The following MUC4 variants were observed in gnomAD, a reference collection of about 807,000 sequenced individuals.
MUC4 encodes mucin 4, cell surface associated.
A neutral mutation model predicts 257.9 loss-of-function variants in MUC4; 202 were observed. That is an observed-to-expected ratio of 0.78 (90% CI 0.70 to 0.88). The LOEUF is 0.88. MUC4 is among the 40% of genes least tolerant of loss of function. The probability of loss-of-function intolerance (pLI) is 0.00; values close to 1 mark genes in which losing one functional copy is unlikely to be tolerated. For missense variants in MUC4, 5,976 were observed against 6,513.7 expected (o/e 0.92, Z 2.84); for synonymous variants, 2,351 against 2,757.1 (o/e 0.85, Z 4.62).
chr3:195,787,173 C>T lies in MUC4; in HGVS notation c.4407G>A (p.Gln1469=). ...TGTCGGTGACAAGAAGAGAGGTGGCCTGACCTGTGGATGCTGAGGAAGTGT... is the reference window on the plus strand; with the variant it reads ...TGTCGGTGACAAGAAGAGAGGTGGCTTGACCTGTGGATGCTGAGGAAGTGT... ...VTDTSSASTG[Q]ATSLLVTDTS... is the part of the protein sequence containing the mutation. The change falls in exon 2 of 25, where the codon CAG becomes CAA. Residue 1469 remains glutamine, a synonymous_variant. Transcript: ENST00000463781. 2 of 509,116 alleles carry T rather than the reference C, an allele frequency of 3.9e-6. No homozygotes were observed. The highest frequency in any genetic ancestry group is 5.3e-6 in the Non-Finnish European group (2 of 378,914). The allele number at this position is 509,116 out of a possible 1,614,324, so 31.5% of individuals were successfully genotyped here.
chr3:195,779,942 A>G lies in MUC4; in HGVS notation c.11638T>C (p.Ser3880Pro). ...GGGGTGGTGTCACCTGTGGAAGCTGAGGAAAGGCCGGTAACAGGAAGAGGG... is the reference window on the plus strand; with the variant it reads ...GGGGTGGTGTCACCTGTGGAAGCTGGGGAAAGGCCGGTAACAGGAAGAGGG... ...ATPLPVTGLS[S>P]ASTGDTTPLP... The change falls in exon 2 of 25, where the codon TCA becomes CCA. Residue 3880 changes from serine (S) to proline (P), a missense_variant. Ser to Pro is a moderately conservative substitution (Grantham distance 74). Around this residue, in one of 44 missense-constraint regions of MUC4, gnomAD observed 330 missense variants for 262.0 expected, o/e 1.26. Transcript: ENST00000463781. 6.8e-7 allele frequency: 1 copy of G among 1,471,404 alleles called. No individual in the cohort carries two copies. Among genetic ancestry groups the G allele is most frequent in the South Asian group, 1.3e-5 (1 of 78,048 alleles). The allele number at this position is 1,471,404 out of a possible 1,614,324, so 91.1% of individuals were successfully genotyped here.
At chr3:195,753,529 G>T (rs755956015) in intron 19 of MUC4, 21 of 486,866 alleles carry the variant, frequency 4.3e-5, no homozygotes, top group Non-Finnish European at 7.5e-5. Context: ...CTTTCCTCAC[G>T]CCCTCCCCTC....
chr3:195,759,503 C>T (rs1483424960), intron 16 of MUC4, among the ~76,000 whole-genome samples: 2 of 152,150 alleles, frequency 1.3e-5, no homozygotes, highest in Non-Finnish European at 1.5e-5. Flanking sequence ...GAGCTCCTTT[C>T]AGATTCTTTC....
rs768158284 is a variant in MUC4, at chr3:195,774,319, GAGA to G, written c.12944-17_12944-15del. On this transcript the variant is annotated splice_polypyrimidine_tract_variant and intron_variant, in intron 3 of 24. Transcript: ENST00000463781. The stretch of plus-strand genomic sequence containing the variant: ...AGAGGGAAACTCCTGGGCCAGGACA[GAGA>G]AGAGCAGGAAGTCCAAGTGGGCCTG... 43 of 1,511,796 alleles carry G rather than the reference GAGA, an allele frequency of 2.8e-5. No individual in the cohort carries two copies. Among genetic ancestry groups the G allele is most frequent in the Non-Finnish European group, 3.4e-5 (39 of 1,133,878 alleles). 93.6% of individuals were successfully genotyped at this position (1,511,796 alleles called of 1,614,324 possible).
At chr3:195,778,697 A>G (rs1296526267) in intron 2 of MUC4, 93 bp downstream of exon 2, 8 of 1,401,594 alleles carry the variant, frequency 5.7e-6, no homozygotes, top group East Asian at 2.5e-5. Context: ...CCACCAGGTA[A>G]TGCGAATGCA....
At chr3:195,748,141 G>A (rs1416677141) in intron 24 of MUC4, among the ~76,000 whole-genome samples, 2 of 152,404 alleles carry the variant, frequency 1.3e-5, no homozygotes, top group East Asian at 1.9e-4. Context: ...GAGCCCCGGG[G>A]ACTGCTGATG....
Position 195,805,586 on chromosome 3 carries a change from A to G in MUC4, c.82+6150T>C, listed in dbSNP as rs1176691804. 2.0e-5 allele frequency among the ~76,000 whole-genome samples: 3 copies of G among 152,254 alleles called. No individual in the cohort carries two copies. In the East Asian group the frequency reaches 5.8e-4, roughly 30 times the overall value. ...TGTGGTGGTGTGTGCCTGTGATCCC[A>G]GTTGGAATCAAGTGCTTCTCCTGCC... On this transcript the variant is annotated intron_variant, in intron 1 of 24. Transcript: ENST00000463781.
At chr3:195,802,380 T>TAAGCACCCCTGCTCTCAGCCTCCA (rs1735439058) in intron 1 of MUC4, among the ~76,000 whole-genome samples, 1 of 33,946 alleles carries the variant, frequency 2.9e-5, no homozygotes, top group Non-Finnish European at 7.5e-5. Flanking sequence ...TGACTCGGGT[T>TAAGCACCCCTGCTCTCAGCCTCCA]CCGCACCCCT....
Position 195,779,186 on chromosome 3 carries a change from T to G in MUC4, c.12394A>C (p.Thr4132Pro). 1 of 1,394,602 alleles carries G rather than the reference T, an allele frequency of 7.2e-7. No individual in the cohort carries two copies. Among genetic ancestry groups the G allele is most frequent in the Non-Finnish European group, 9.6e-7 (1 of 1,039,510 alleles). The allele number at this position is 1,394,602 out of a possible 1,614,324, so 86.4% of individuals were successfully genotyped here. ...CCTGTGGATACTGAGGAAAGGCTGG[T>G]GACAGGAAGAGGGGTGGCCTGACCT... ...STGQATPLPVTSLSSVSTGDT... is the reference protein window; with the variant it reads ...STGQATPLPVPSLSSVSTGDT... Residue 4132 changes from threonine (T) to proline (P), a missense_variant, in exon 2 of 25, where the codon ACC becomes CCC. This residue lies in a region of MUC4 where 293 missense variants were observed against 294.5 expected (regional missense o/e 1.00). Transcript: ENST00000463781.
At chr3:195,778,531 C>T (rs1725544752) in intron 2 of MUC4, 76 bp from the exon 3 acceptor site, 5 of 1,572,186 alleles carry the variant, frequency 3.2e-6, no homozygotes, top group African/African-American at 1.4e-5. Context: ...TCAAAGAAAT[C>T]AGGAGCTGGA....
intron 7 of MUC4, among the ~76,000 whole-genome samples, chr3:195,767,745 TCGCCACCACCACCATCAC>T (rs1721511511): frequency 7.8e-5 from 1 of 12,754 alleles, no homozygotes; most frequent in Non-Finnish European, 1.4e-4. Context: ...ACCATCACCA[TCGCCACCACCACCATCAC>T]CACCACCACC....
chr3:195,767,666 T>TCAC (rs1560263179), intron 7 of MUC4, among the ~76,000 whole-genome samples: 4 of 18,942 alleles, frequency 2.1e-4, no homozygotes, highest in Non-Finnish European at 2.5e-4. Context: ...ACCACCACCA[T>TCAC]CACCATCACC....
chr3:195,748,075 A>G (rs1715476269), intron 24 of MUC4, among the ~76,000 whole-genome samples: 1 of 150,348 alleles, frequency 6.7e-6, no homozygotes, highest in Admixed American at 6.6e-5. Context: ...CAGCTGGCGG[A>G]GGGCCCGGAG....
At chr3:195,767,585 T>TCACCACCATCGCCACCAC (rs1721173979) in intron 7 of MUC4, among the ~76,000 whole-genome samples, 3 of 58,742 alleles carry the variant, frequency 5.1e-5, no homozygotes, top group African/African-American at 2.8e-4. Context: ...ACCACCACCA[T>TCACCACCATCGCCACCAC]CACCACCACC....
At position 195,757,547 on chromosome 3, in the gene MUC4, C is replaced by T. The variant is rs953684513; in HGVS notation, c.14987-219G>A. Among the ~76,000 whole-genome samples, 10 of 152,132 alleles carry T rather than the reference C, an allele frequency of 6.6e-5. No homozygotes were observed. Among genetic ancestry groups the T allele is most frequent in the African/African-American group, 2.2e-4 (9 of 41,420 alleles). Reference sequence around the variant, plus strand: ...CACCAGTCCAACATACTGATTGTAGCGGGGAACGCCACAGAGGGGAAAGCA... The same window carrying T: ...CACCAGTCCAACATACTGATTGTAGTGGGGAACGCCACAGAGGGGAAAGCA... On this transcript the variant is annotated intron_variant, in intron 17 of 24. Coordinates refer to ENST00000463781, the MANE Select transcript of MUC4 (RefSeq NM_018406.7). The surrounding 1 kb of genome is among the most constrained non-coding windows in gnomAD (Gnocchi z 4.8).
Position 195,778,284 on chromosome 3 carries a change from C to T in MUC4, c.12943+19G>A, listed in dbSNP as rs778694739. 28 of 1,597,756 alleles carry T rather than the reference C, an allele frequency of 1.8e-5. No homozygotes were observed. The highest frequency in any genetic ancestry group is 2.4e-5 in the Non-Finnish European group (28 of 1,172,976). The stretch of plus-strand genomic sequence containing the variant: ...ACATCACCCCTCAAAAGGCACAGGC[C>T]TCACCTGTATGGCCTCACCTCTCTC... On this transcript the variant is annotated intron_variant, in intron 3 of 24. Transcript: ENST00000463781.
In MUC4 at chr3:195,788,646, A is replaced by G; in HGVS notation, c.2934T>C (p.Pro978=). 1.9e-6 allele frequency: 3 copies of G among 1,609,830 alleles called. No individual in the cohort carries two copies. The highest frequency in any genetic ancestry group is 1.1e-5 in the South Asian group (1 of 90,322). ...TALISNATPL[P]VTYASSASTG... is the part of the protein sequence containing the mutation. The stretch of plus-strand genomic sequence containing the variant: ...TGGATGCCGAGGAAGCGTAGGTGAC[A>G]GGAAGAGGGGTGGCGTTGCTGATGA... The change falls in exon 2 of 25, where the codon CCT becomes CCC. Residue 978 remains proline, a synonymous_variant. Transcript: ENST00000463781.
At position 195,787,987 on chromosome 3, in the gene MUC4, G is replaced by C. The variant is rs1202107712; in HGVS notation, c.3593C>G (p.Ala1198Gly). 3 of 1,317,140 alleles carry C rather than the reference G, an allele frequency of 2.3e-6. No individual in the cohort carries two copies. Among genetic ancestry groups the C allele is most frequent in the Non-Finnish European group, 2.0e-6 (2 of 986,200 alleles). 81.6% of individuals were successfully genotyped at this position (1,317,140 alleles called of 1,614,324 possible). Residue 1198 changes from alanine to glycine, a missense_variant, in exon 2 of 25, where the codon GCC (alanine) becomes GGC (glycine). By Grantham distance (60) the Ala-to-Gly change is moderately conservative. Around this residue, in one of 44 missense-constraint regions of MUC4, gnomAD observed 90 missense variants for 106.2 expected, o/e 0.85. Coordinates refer to ENST00000463781, the MANE Select transcript of MUC4 (RefSeq NM_018406.7). Reference sequence around the variant, plus strand: ...AGTGTCGGTGACAAGAAGAGGGGTGGCGTGACCTGTGGATGCTGAGGAAGG... The same window carrying C: ...AGTGTCGGTGACAAGAAGAGGGGTGCCGTGACCTGTGGATGCTGAGGAAGG... The part of the protein sequence containing the change: ...TSPSSASTGH[A>G]TPLLVTDTSS...
chr3:195,787,913 A>C lies in MUC4; in HGVS notation c.3667T>G (p.Ser1223Ala). 1 of 881,966 alleles carries C rather than the reference A, an allele frequency of 1.1e-6. No individual in the cohort carries two copies. 54.6% of individuals were successfully genotyped at this position (881,966 alleles called of 1,614,324 possible). A position where few individuals can be genotyped will look rare whatever the true frequency, so the allele number is the denominator to read the frequency against. The change falls in exon 2 of 25, where the codon TCC (serine) becomes GCC (alanine). Residue 1223 changes from serine (S) to alanine (A), a missense_variant. Coordinates refer to ENST00000463781, the MANE Select transcript of MUC4 (RefSeq NM_018406.7). Reference sequence around the variant, plus strand: ...GTGGCGTGATCTGTGGACACTGAGGAAGCGTCGGTGACAGGAAGAGGGGTG... The same window carrying C: ...GTGGCGTGATCTGTGGACACTGAGGCAGCGTCGGTGACAGGAAGAGGGGTG... Reference protein sequence around the residue: ...HATPLPVTDASSVSTDHATSL... With the variant: ...HATPLPVTDAASVSTDHATSL...
Sources: allele counts gnomAD v4.1 joint callset (sites outside exome capture counted in the v4.1 genomes callset), GRCh38; gene constraint gnomAD v4.1.1; regional missense constraint gnomAD v4.1.1; non-coding constraint Gnocchi (gnomAD v3.1); transcripts MANE v1.5; gene names NCBI Gene and HGNC (gene_info 2026-07-23, HGNC 2026-07-21).